Variants in TUBB1 observed in about 807,000 individuals in gnomAD.
TUBB1 encodes the protein tubulin beta 1 class VI.
Under a neutral mutation model 22.6 loss-of-function variants are expected in TUBB1, and 28 were observed. The observed-to-expected ratio is 1.24, with a 90% CI of 0.92 to 1.70. The LOEUF (loss-of-function observed/expected upper bound fraction) is 1.70, where lower values mean the gene tolerates loss of function less well. Among genes scored for constraint, TUBB1 ranks in the 40% most tolerant of loss-of-function variants. TUBB1 has a pLI of 0.00. For missense variants in TUBB1, 577 were observed against 605.5 expected, an observed-to-expected ratio of 0.95 and a Z score of 0.49; for synonymous variants, 226 against 238.0, an observed-to-expected ratio of 0.95 and a Z score of 0.46.
Position 59,023,847 on chromosome 20 carries a change from C to G in TUBB1, c.420C>G (p.Gly140=), listed in dbSNP as rs753978071. 131 of 1,613,946 alleles carry G rather than the reference C, an allele frequency of 8.1e-5. 2 individuals carry two copies. In the Middle Eastern group the frequency reaches 3.8e-3, roughly 47 times the overall value. The change falls in exon 4 of 4, where the codon GGC becomes GGG. Residue 140 remains glycine (G), a synonymous_variant. Coordinates refer to ENST00000217133, the MANE Select transcript of TUBB1 (RefSeq NM_030773.4). ...LQGFQIVHSL[G]GGTGSGMGTL... is the part of the protein sequence containing the mutation. The stretch of plus-strand genomic sequence containing the variant: ...GCTTCCAGATCGTCCACTCCCTGGG[C>G]GGGGGCACAGGCTCCGGGATGGGCA...
At chr20:59,018,533 G>A (rs1054518616), upstream of TUBB1, among the ~76,000 whole-genome samples, 8 of 151,954 alleles carry the variant, frequency 5.3e-5, no homozygotes, top group African/African-American at 1.7e-4. Flanking sequence ...GCAGTCTCCC[G>A]AGTAGCTGAG....
Position 59,024,418 on chromosome 20 carries a change from C to T in TUBB1, c.991C>T (p.Leu331Phe), listed in dbSNP as rs758800483. 8 of 1,614,124 alleles carry T rather than the reference C, an allele frequency of 5.0e-6. No individual in the cohort carries two copies. The East Asian group carries it at 6.7e-5, about 13-fold the overall frequency. ...CACCAAGGAAGTGGACCAGCAACTGCTCTCCGTGCAGACCAGGAACAGCAG... is the reference window on the plus strand; with the variant it reads ...CACCAAGGAAGTGGACCAGCAACTGTTCTCCGTGCAGACCAGGAACAGCAG... ...MSTKEVDQQL[L>F]SVQTRNSSCF... The change falls in exon 4 of 4, where the codon CTC becomes TTC. Residue 331 changes from leucine (L) to phenylalanine (F), a missense_variant. By Grantham distance (22) the Leu-to-Phe change is conservative (BLOSUM62 0). Coordinates refer to ENST00000217133, the MANE Select transcript of TUBB1 (RefSeq NM_030773.4). This position sits in a 1 kb window ranked among gnomAD's most constrained non-coding sequence, Gnocchi z 4.9.
At chr20:59,019,230 T>C, upstream of TUBB1, 2 of 489,886 alleles carry the variant, frequency 4.1e-6, no homozygotes, top group South Asian at 4.2e-5. Context: ...CCTTTAATCT[T>C]GCACTCACTC....
chr20:59,016,572 G>A (rs2091946514), upstream of TUBB1, among the ~76,000 whole-genome samples: 1 of 152,158 alleles, frequency 6.6e-6, no homozygotes, highest in African/African-American at 2.4e-5. Context: ...GGGTGGGGAG[G>A]GAGGCTCGGG....
upstream of TUBB1, among the ~76,000 whole-genome samples, chr20:59,018,549 A>C (rs1486145917): frequency 6.6e-6 from 1 of 152,060 alleles, no homozygotes; most frequent in East Asian, 1.9e-4. Flanking sequence ...CTGAGACTAC[A>C]TGTGTGTGCC....
At chr20:59,017,705 G>A (rs141201100), upstream of TUBB1, among the ~76,000 whole-genome samples, 1 of 152,296 alleles carries the variant, frequency 6.6e-6, no homozygotes, top group Non-Finnish European at 1.5e-5. Context: ...GCAGGGGAGG[G>A]AAGGACCTCC....
At position 59,026,622 on chromosome 20, in the gene TUBB1, C is replaced by T. The variant is rs2091995944; in HGVS notation, c.*1839C>T. 6.6e-6 allele frequency: 1 copy of T among 152,210 alleles called. No individual in the cohort carries two copies. The highest frequency in any genetic ancestry group is 2.4e-5 in the African/African-American group (1 of 41,454). 9.4% of individuals were successfully genotyped at this position (152,210 alleles called of 1,614,324 possible). ...TTTAAATGGCAAAATTGCTTTATTT[C>T]AGACTAAATAAATTCCTTTTCTTGA... On this transcript the variant is annotated 3_prime_UTR_variant, in exon 4 of 4. Transcript: ENST00000217133.
Position 59,024,283 on chromosome 20 carries a change from G to A in TUBB1, c.856G>A (p.Val286Met), listed in dbSNP as rs370149968. ...QGSQQYRALS[V>M]AELTQQMFDA... ...CAGCCAGCAGTACCGAGCCCTCTCC[G>A]TGGCCGAGCTCACCCAGCAGATGTT... Residue 286 changes from valine (V) to methionine (M), a missense_variant, in exon 4 of 4, where the codon GTG (valine) becomes ATG (methionine). Coordinates refer to ENST00000217133, the MANE Select transcript of TUBB1 (RefSeq NM_030773.4). The surrounding 1 kb of genome is among the most constrained non-coding windows in gnomAD (Gnocchi z 4.9). The A allele has an allele frequency of 1.4e-4, 228 of 1,613,818 alleles. No homozygotes were observed. Among genetic ancestry groups the A allele is most frequent in the Non-Finnish European group, 1.9e-4 (219 of 1,180,046 alleles).
Position 59,024,450 on chromosome 20 carries a change from T to C in TUBB1, c.1023T>C (p.Phe341=). 1 of 1,614,218 alleles carries C rather than the reference T, an allele frequency of 6.2e-7. No homozygotes were observed. Among genetic ancestry groups the C allele is most frequent in the Non-Finnish European group, 8.5e-7 (1 of 1,180,044 alleles). Residue 341 remains phenylalanine, a synonymous_variant, in exon 4 of 4, where the codon TTT becomes TTC. Transcript: ENST00000217133. This position sits in a 1 kb window ranked among gnomAD's most constrained non-coding sequence, Gnocchi z 4.9. ...TGCAGACCAGGAACAGCAGCTGCTT[T>C]GTGGAGTGGATTCCCAACAACGTCA... ...LSVQTRNSSC[F]VEWIPNNVKV... is the part of the protein sequence containing the mutation.
At chr20:59,019,395 A>T, upstream of TUBB1, 4 of 1,047,932 alleles carry the variant, frequency 3.8e-6, no homozygotes, top group Non-Finnish European at 5.9e-6. Flanking sequence ...TTGTGAGGGT[A>T]GCTTGGTTGG....
At position 59,022,880 on chromosome 20, in the gene TUBB1, C is replaced by T. The variant is rs545989623; in HGVS notation, c.93C>T (p.Asp31=). Residue 31 remains aspartate (D), a synonymous_variant, in exon 2 of 4, where the codon GAC becomes GAT. Coordinates refer to ENST00000217133, the MANE Select transcript of TUBB1 (RefSeq NM_030773.4). ...TGATTGGTGAGGAACACGGGATCGA[C>T]TTGGCTGGGAGCGACCGCGGGGCCT... ...WEMIGEEHGI[D]LAGSDRGASA... 6.2e-7 allele frequency: 1 copy of T among 1,614,100 alleles called. No homozygotes were observed. The highest frequency in any genetic ancestry group is 1.1e-5 in the South Asian group (1 of 91,078).
upstream of TUBB1, chr20:59,019,424 T>C: frequency 4.1e-6 from 6 of 1,449,940 alleles, no homozygotes; most frequent in Non-Finnish European, 4.8e-6. Flanking sequence ...ACCACTGCAG[T>C]GACCACAGTT....
upstream of TUBB1, among the ~76,000 whole-genome samples, chr20:59,019,102 G>T (rs2091956584): frequency 6.6e-6 from 1 of 152,198 alleles, no homozygotes; most frequent in African/African-American, 2.4e-5. Context: ...CTTGGAGGTG[G>T]TCTGGTTACC....
At chr20:59,022,802 CT>C in intron 1 of TUBB1, 42 bp from the exon 2 acceptor site, 2 of 1,583,410 alleles carry the variant, frequency 1.3e-6, no homozygotes, top group Non-Finnish European at 1.7e-6. Context: ...TTAACACAGC[CT>C]TTTTCGGGGT....
At chr20:59,021,073 G>A (rs1290202186) in intron 1 of TUBB1, among the ~76,000 whole-genome samples, 1 of 152,216 alleles carries the variant, frequency 6.6e-6, no homozygotes, top group East Asian at 1.9e-4. Flanking sequence ...TAAACCGGGG[G>A]CAAGGAACAT....
Position 59,026,361 on chromosome 20 carries a change from A to G in TUBB1, c.*1578A>G, listed in dbSNP as rs1287963814. 2 of 152,240 alleles carry G rather than the reference A, an allele frequency of 1.3e-5. No individual in the cohort carries two copies. The highest frequency in any genetic ancestry group is 3.8e-4 in the East Asian group (2 of 5,200). The allele number at this position is 152,240 out of a possible 1,614,324, so 9.4% of individuals were successfully genotyped here. ...AGCACTAGATTTAGTAAGAAACTCT[A>G]CCTATATACTTAGTTTGAAGTTAGT... On this transcript the variant is annotated 3_prime_UTR_variant, in exon 4 of 4. Coordinates refer to ENST00000217133, the MANE Select transcript of TUBB1 (RefSeq NM_030773.4).
At chr20:59,023,346 A>T in intron 2 of TUBB1, 144 bp from the exon 3 acceptor site, 1 of 729,818 alleles carries the variant, frequency 1.4e-6, no homozygotes, top group Non-Finnish European at 2.4e-6. Flanking sequence ...ATATGATGTT[A>T]GATACTCAAA....
rs1369106281 is a variant in TUBB1, at chr20:59,024,670, A to G, written c.1243A>G (p.Ile415Val). The G allele has an allele frequency of 2.5e-6, 4 of 1,614,184 alleles. No homozygotes were observed. The highest frequency in any genetic ancestry group is 3.4e-6 in the Non-Finnish European group (4 of 1,180,040). The change falls in exon 4 of 4, where the codon ATC becomes GTC. Residue 415 changes from isoleucine (I) to valine (V), a missense_variant. Physicochemically the swap from Ile to Val is conservative, Grantham distance 29. Coordinates refer to ENST00000217133, the MANE Select transcript of TUBB1 (RefSeq NM_030773.4). The surrounding 1 kb of genome is among the most constrained non-coding windows in gnomAD (Gnocchi z 4.9). Reference protein sequence around the residue: ...INEFGEAENNIHDLVSEYQQF... With the variant: ...INEFGEAENNVHDLVSEYQQF... ...CGAATTTGGGGAAGCTGAAAATAAC[A>G]TCCATGATTTGGTATCCGAGTACCA... is the stretch of plus-strand genomic sequence containing the variant.
Position 59,024,497 on chromosome 20 carries a change from C to T in TUBB1, c.1070C>T (p.Pro357Leu), listed in dbSNP as rs200564118. 2.8e-5 allele frequency: 46 copies of T among 1,614,084 alleles called. No homozygotes were observed. The highest frequency in any genetic ancestry group is 1.6e-4 in the East Asian group (7 of 44,894). ...NNVKVAVCDI[P>L]PRGLSMAATF... ...GTCAAGGTGGCTGTCTGCGACATCC[C>T]GCCCCGGGGGCTGAGCATGGCCGCC... The change falls in exon 4 of 4, where the codon CCG becomes CTG. Residue 357 changes from proline (P) to leucine (L), a missense_variant. Coordinates refer to ENST00000217133, the MANE Select transcript of TUBB1 (RefSeq NM_030773.4). This position sits in a 1 kb window ranked among gnomAD's most constrained non-coding sequence, Gnocchi z 4.9.
Sources: gnomAD v4.1 joint callset for allele counts (sites outside exome capture counted in the v4.1 genomes callset) on GRCh38, gnomAD v4.1.1 for gene constraint, Gnocchi (gnomAD v3.1) non-coding constraint, MANE v1.5 for transcripts, NCBI Gene and HGNC (gene_info 2026-07-23, HGNC 2026-07-21) for gene names.